The following CAMK1D variants were observed in gnomAD, a reference collection of about 807,000 sequenced individuals.
CAMK1D encodes the protein calcium/calmodulin-dependent protein kinase type 1D.
A neutral mutation model predicts 47.7 loss-of-function variants in CAMK1D; 9 were observed. The ratio of observed to expected loss-of-function variants is 0.19; its 90% CI spans 0.11 to 0.33. CAMK1D has a LOEUF of 0.33. Ranked by LOEUF, CAMK1D falls within the 10% of genes least tolerant of loss-of-function variation. The pLI, the probability that CAMK1D is intolerant of heterozygous loss-of-function variation, is 1.00. For missense variants in CAMK1D, 291 were observed against 488.7 expected (o/e 0.60, Z 3.81); for synonymous variants, 184 against 184.9 (o/e 0.99, Z 0.04).
chr10:12,427,711 T>G lies in CAMK1D; in HGVS notation c.92+77801T>G, dbSNP rs946892293. 3.6e-5 allele frequency among the ~76,000 whole-genome samples: 4 copies of G among 111,044 alleles called. 1 individual carries two copies. The highest frequency in any genetic ancestry group is 6.9e-5 in the African/African-American group (2 of 29,036). 72.8% of individuals were successfully genotyped at this position (111,044 alleles called of 152,430 possible). On this transcript the variant is annotated intron_variant, in intron 1 of 10. Transcript: ENST00000619168. ...TCACTGAACTTACTGTTTTTTTTTTTTTTTTTTTTTTTTTGAGACGGAGTC... is the reference window on the plus strand; with the variant it reads ...TCACTGAACTTACTGTTTTTTTTTTGTTTTTTTTTTTTTTGAGACGGAGTC...
At chr10:12,431,287 G>C (rs1832467020) in intron 1 of CAMK1D, among the ~76,000 whole-genome samples, 1 of 152,132 alleles carries the variant, frequency 6.6e-6, no homozygotes, top group Admixed American at 6.5e-5. Flanking sequence ...GGAAGCCTGG[G>C]GCTGTTTTTT....
chr10:12,419,929 A>G (rs1839991657), intron 1 of CAMK1D, among the ~76,000 whole-genome samples: 1 of 151,334 alleles, frequency 6.6e-6, no homozygotes, highest in South Asian at 2.1e-4. Flanking sequence ...TACTTTTTTC[A>G]GCCTTAGTGA....
At chr10:12,403,263 CT>C (rs1209793262) in intron 1 of CAMK1D, among the ~76,000 whole-genome samples, 1 of 152,224 alleles carries the variant, frequency 6.6e-6, no homozygotes, top group Non-Finnish European at 1.5e-5. Context: ...CGCTTGCCAG[CT>C]TGTGTTCACA....
intron 1 of CAMK1D, among the ~76,000 whole-genome samples, chr10:12,450,442 T>C (rs962062916): frequency 2.6e-5 from 4 of 152,184 alleles, no homozygotes; most frequent in Non-Finnish European, 5.9e-5. Context: ...TTTCTTGTTC[T>C]TAAAGAAGGA....
At chr10:12,367,155 C>G (rs972787412) in intron 1 of CAMK1D, among the ~76,000 whole-genome samples, 1 of 152,180 alleles carries the variant, frequency 6.6e-6, no homozygotes, top group Non-Finnish European at 1.5e-5. Context: ...CCAAGTGTGG[C>G]TGACTCTCCC....
intron 1 of CAMK1D, among the ~76,000 whole-genome samples, chr10:12,405,453 T>C (rs538717750): frequency 1.3e-5 from 2 of 152,346 alleles, no homozygotes; most frequent in South Asian, 2.1e-4. Context: ...AGACAGGCAG[T>C]GAACTAACGA....
At chr10:12,632,696 T>C (rs1839414049) in intron 2 of CAMK1D, among the ~76,000 whole-genome samples, 1 of 152,070 alleles carries the variant, frequency 6.6e-6, no homozygotes, top group Admixed American at 6.5e-5. Flanking sequence ...TTGTTTTTTG[T>C]TTTTGTTTTT....
chr10:12,443,661 G>A (rs139184404), intron 1 of CAMK1D, among the ~76,000 whole-genome samples: 41 of 151,860 alleles, frequency 2.7e-4, no homozygotes, highest in African/African-American at 8.0e-4. Flanking sequence ...ACGGAGTCTC[G>A]TTCTTTTGCC....
At chr10:12,379,593 A>C (rs2131870459) in intron 1 of CAMK1D, among the ~76,000 whole-genome samples, 1 of 152,138 alleles carries the variant, frequency 6.6e-6, no homozygotes, top group Admixed American at 6.5e-5. Flanking sequence ...TCTCTACTAA[A>C]AATACAAAAA....
intron 1 of CAMK1D, among the ~76,000 whole-genome samples, chr10:12,445,879 T>C (rs1426915380): frequency 6.6e-6 from 1 of 152,214 alleles, no homozygotes; most frequent in East Asian, 1.9e-4. Context: ...GAGGTCATCA[T>C]AGCAGATATA....
intron 1 of CAMK1D, among the ~76,000 whole-genome samples, chr10:12,544,219 A>G (rs1230320266): frequency 6.6e-6 from 1 of 152,246 alleles, no homozygotes; most frequent in Non-Finnish European, 1.5e-5. Flanking sequence ...CCAGTAATTT[A>G]TCACAGAGAT....
chr10:12,489,794 GA>G (rs1431858119), intron 1 of CAMK1D, among the ~76,000 whole-genome samples: 5 of 152,200 alleles, frequency 3.3e-5, no homozygotes, highest in Non-Finnish European at 5.9e-5. Flanking sequence ...AACTCTCACA[GA>G]AGTTTGCCTG....
At chr10:12,717,076 A>G (rs1201326787) in intron 3 of CAMK1D, among the ~76,000 whole-genome samples, 1 of 152,264 alleles carries the variant, frequency 6.6e-6, no homozygotes, top group Non-Finnish European at 1.5e-5. Context: ...TGTACATTTC[A>G]GTCTTTTATT....
Position 12,360,923 on chromosome 10 carries a change from G to T in CAMK1D, c.92+11013G>T, listed in dbSNP as rs150960260. Among the ~76,000 whole-genome samples the T allele has an allele frequency of 4.1e-3, 625 of 152,228 alleles. 3 individuals are homozygous for T. The highest frequency in any genetic ancestry group is 0.01 in the Admixed American group (159 of 15,284). ...ATACTGTCACAGCTCTACCATGGAC[G>T]CCAGGGCTTCTTTAGGTTGGAATAG... On this transcript the variant is annotated intron_variant, in intron 1 of 10. Transcript: ENST00000619168.
intron 1 of CAMK1D, among the ~76,000 whole-genome samples, chr10:12,546,175 T>C (rs1836364446): frequency 6.6e-6 from 1 of 152,088 alleles, no homozygotes; most frequent in African/African-American, 2.4e-5. Context: ...GTAATTTCAG[T>C]AACAGATAGG....
chr10:12,613,791 C>T (rs1221126009), intron 2 of CAMK1D, among the ~76,000 whole-genome samples: 1 of 152,156 alleles, frequency 6.6e-6, no homozygotes, highest in East Asian at 1.9e-4. Context: ...GATTACATTT[C>T]CTTTTGTAGG....
chr10:12,728,659 G>A (rs769224567), intron 3 of CAMK1D, among the ~76,000 whole-genome samples: 2 of 152,210 alleles, frequency 1.3e-5, no homozygotes, highest in African/African-American at 2.4e-5. Context: ...GGACAGCTGC[G>A]TTAGGATGAG....
chr10:12,797,986 A>G (rs1231066704), intron 6 of CAMK1D, among the ~76,000 whole-genome samples: 2 of 152,130 alleles, frequency 1.3e-5, no homozygotes, highest in African/African-American at 2.4e-5. Flanking sequence ...GGGCTTTTAG[A>G]TGGTGAGGGG....
chr10:12,466,773 G>C (rs781039449), intron 1 of CAMK1D, among the ~76,000 whole-genome samples: 16 of 152,092 alleles, frequency 1.1e-4, no homozygotes, highest in Non-Finnish European at 2.1e-4. Flanking sequence ...TGGGAAATGT[G>C]TCTTGGGAAC....
Sources: allele counts gnomAD v4.1 joint callset (sites outside exome capture counted in the v4.1 genomes callset), GRCh38; gene constraint gnomAD v4.1.1; transcripts MANE v1.5; gene names NCBI Gene and HGNC (gene_info 2026-07-23, HGNC 2026-07-21).